Variants in MED12L observed in about 807,000 individuals in gnomAD.
MED12L encodes mediator complex subunit 12L.
MED12L carries 60 observed loss-of-function variants against 281.3 expected under a neutral mutation model. The observed-to-expected ratio is 0.21, with a 90% confidence interval of 0.17 to 0.26. The LOEUF is 0.26. Among genes scored for constraint, MED12L ranks in the 10% least tolerant of loss-of-function variants. The pLI, the probability that MED12L is intolerant of heterozygous loss-of-function variation, is 1.00. For missense variants in MED12L, 2,146 were observed against 2,680.9 expected, an observed-to-expected ratio of 0.80 and a Z score of 4.41; for synonymous variants, 974 against 987.2, an observed-to-expected ratio of 0.99 and a Z score of 0.25.
At chr3:151,200,774 CA>C (rs1374926088) in intron 16 of MED12L, 1 of 152,242 alleles carries the variant, frequency 6.6e-6, no homozygotes, top group Non-Finnish European at 1.5e-5. Context: ...AATAATTAAG[CA>C]GTTGGTTTGT....
chr3:151,166,858 G>A (rs1028103664), intron 11 of MED12L, among the ~76,000 whole-genome samples: 1 of 151,990 alleles, frequency 6.6e-6, no homozygotes, highest in Non-Finnish European at 1.5e-5. Context: ...TGTATTTTTA[G>A]TAGAGATGGG....
At chr3:151,175,716 C>A (rs553969984) in intron 11 of MED12L, among the ~76,000 whole-genome samples, 1 of 152,170 alleles carries the variant, frequency 6.6e-6, no homozygotes, top group African/African-American at 2.4e-5. Context: ...TACTGAATTA[C>A]GGAATTAGGC....
At chr3:151,228,058 C>G (rs1293211648) in intron 16 of MED12L, among the ~76,000 whole-genome samples, 1 of 152,176 alleles carries the variant, frequency 6.6e-6, no homozygotes, top group Non-Finnish European at 1.5e-5. Flanking sequence ...TTGTTGGGGT[C>G]AGACCTTAAC....
chr3:151,368,154 T>C lies in MED12L; in HGVS notation c.3453T>C (p.Cys1151=), dbSNP rs1355401865. The part of the protein sequence containing the change: ...VALPSLLAAA[C]GDADAEPGAR... ...TTTCCAATCCCCCTTTCCTAGCTTG[T>C]GGGGATGCGGACGCCGAGCCTGGGG... is the stretch of plus-strand genomic sequence containing the variant. Residue 1151 remains cysteine, a synonymous_variant, in exon 25 of 45, where the codon TGT becomes TGC. Coordinates refer to ENST00000687756, the MANE Select transcript of MED12L (RefSeq NM_001393769.1). 6.2e-7 allele frequency: 1 copy of C among 1,613,790 alleles called. No homozygotes were observed. The highest frequency in any genetic ancestry group is 1.1e-5 in the South Asian group (1 of 91,072).
At position 151,435,874 on chromosome 3, in the gene MED12L, G is replaced by GAATT. The variant is rs573123198; in HGVS notation, c.*3074_*3077dup. On this transcript the variant is annotated 3_prime_UTR_variant, in exon 45 of 45. Transcript: ENST00000687756. ...CCCAAGCATTTTCCCATCCCATAAA[G>GAATT]AATTAATGAAATGAAATGCTTATAG... 1.2e-3 allele frequency: 188 copies of GAATT among 151,468 alleles called. No homozygotes were observed. Among genetic ancestry groups the GAATT allele is most frequent in the African/African-American group, 4.2e-3 (173 of 41,456 alleles). 9.4% of individuals were successfully genotyped at this position (151,468 alleles called of 1,614,324 possible). A position where few individuals can be genotyped will look rare whatever the true frequency, so the allele number is the denominator to read the frequency against.
chr3:151,097,642 T>A (rs1367117032), intron 2 of MED12L, among the ~76,000 whole-genome samples: 1 of 152,224 alleles, frequency 6.6e-6, no homozygotes, highest in East Asian at 1.9e-4. Flanking sequence ...GAGAGTGCAT[T>A]TTCTTTCTCT....
intron 16 of MED12L, among the ~76,000 whole-genome samples, chr3:151,245,567 C>T (rs1213499036): frequency 6.7e-6 from 1 of 150,260 alleles, no homozygotes; most frequent in Admixed American, 6.7e-5. Context: ...CAAAATTCAA[C>T]AACCCTTCAT....
chr3:151,269,769 AT>A, intron 16 of MED12L: 1 of 425,538 alleles, frequency 2.3e-6, no homozygotes, highest in Non-Finnish European at 4.6e-6. Flanking sequence ...GTGGTGATCT[AT>A]TTTTAGAGTC....
intron 16 of MED12L, among the ~76,000 whole-genome samples, chr3:151,325,026 G>A (rs543971669): frequency 2.6e-5 from 4 of 152,222 alleles, no homozygotes; most frequent in African/African-American, 4.8e-5. Context: ...AGTTTATGTC[G>A]GGGTAAGAGT....
intron 16 of MED12L, among the ~76,000 whole-genome samples, chr3:151,201,873 T>C (rs867647505): frequency 6.6e-6 from 1 of 152,232 alleles, no homozygotes; most frequent in East Asian, 1.9e-4. Flanking sequence ...ATTTCAAATA[T>C]TACATAATAA....
At chr3:151,283,987 C>T (rs1432058008) in intron 16 of MED12L, among the ~76,000 whole-genome samples, 2 of 152,202 alleles carry the variant, frequency 1.3e-5, no homozygotes, top group Non-Finnish European at 2.9e-5. Context: ...AGTACCCTAA[C>T]TGCTCAGCTT....
chr3:151,111,119 T>A (rs1324373776), intron 2 of MED12L, among the ~76,000 whole-genome samples: 2 of 152,260 alleles, frequency 1.3e-5, no homozygotes, highest in Non-Finnish European at 1.5e-5. Context: ...TTCTGATAGA[T>A]GTAAAAGTTA....
intron 16 of MED12L, among the ~76,000 whole-genome samples, chr3:151,225,978 G>T (rs557939582): frequency 6.6e-6 from 1 of 152,062 alleles, no homozygotes; most frequent in East Asian, 1.9e-4. Flanking sequence ...TTCTTCCTTT[G>T]CCAAGGCCTT....
rs373862064 is a variant in MED12L at position 151,338,918 on chromosome 3, T to C, written c.2251-11141T>C. 313 of 1,493,742 alleles carry C rather than the reference T, an allele frequency of 2.1e-4. 4 individuals carry two copies. The highest frequency in any genetic ancestry group is 2.0e-3 in the South Asian group (176 of 86,252). 92.5% of individuals were successfully genotyped at this position (1,493,742 alleles called of 1,614,324 possible). ...CCTAAGGTAGTTATTATTGCTGTTATCTCTGTGTGTAACTTTTTTGGACAC... is the reference window on the plus strand; with the variant it reads ...CCTAAGGTAGTTATTATTGCTGTTACCTCTGTGTGTAACTTTTTTGGACAC... On this transcript the variant is annotated intron_variant, in intron 16 of 44. Coordinates refer to ENST00000687756, the MANE Select transcript of MED12L (RefSeq NM_001393769.1).
At chr3:151,289,983 C>T (rs539411612) in intron 16 of MED12L, among the ~76,000 whole-genome samples, 22 of 152,084 alleles carry the variant, frequency 1.4e-4, no homozygotes, top group African/African-American at 3.1e-4. Flanking sequence ...CAGGTTCACC[C>T]GGGTTTGAGC....
chr3:151,142,177 C>T (rs1376288985), intron 5 of MED12L, among the ~76,000 whole-genome samples: 1 of 152,086 alleles, frequency 6.6e-6, no homozygotes, highest in East Asian at 1.9e-4. Context: ...GGACAAAGTT[C>T]GTGGAAAGTG....
intron 16 of MED12L, among the ~76,000 whole-genome samples, chr3:151,227,926 A>G (rs1730864619): frequency 6.6e-6 from 1 of 152,158 alleles, no homozygotes; most frequent in East Asian, 1.9e-4. Flanking sequence ...GTAGAACGCC[A>G]TGGTTTGTGC....
At chr3:151,397,509 G>A (rs1715132554) in intron 39 of MED12L, among the ~76,000 whole-genome samples, 2 of 152,166 alleles carry the variant, frequency 1.3e-5, no homozygotes, top group Admixed American at 1.3e-4. Flanking sequence ...AATAGATCAT[G>A]TATAAGCTAT....
chr3:151,355,781 C>G, intron 18 of MED12L, 115 bp from the exon 19 acceptor site: 3 of 827,686 alleles, frequency 3.6e-6, no homozygotes, highest in South Asian at 2.5e-5. Flanking sequence ...TTTTGACTTT[C>G]GTCAAAGTAG....
Sources: gnomAD v4.1 joint callset for allele counts (sites outside exome capture counted in the v4.1 genomes callset) on GRCh38, gnomAD v4.1.1 for gene constraint, MANE v1.5 for transcripts, NCBI Gene and HGNC (gene_info 2026-07-23, HGNC 2026-07-21) for gene names.